CR1L: variants seen among roughly 807,000 people sequenced by gnomAD.
The protein encoded by CR1L is complement component receptor 1-like protein.
Under a neutral mutation model 62.3 loss-of-function variants are expected in CR1L, and 59 were observed. That is an observed-to-expected ratio of 0.95 (90% CI 0.77 to 1.18). The LOEUF is 1.18. Ranked by LOEUF, CR1L falls within the 50% of genes most tolerant of loss-of-function variation. The pLI, the probability that CR1L is intolerant of heterozygous loss-of-function variation, is 0.00. For missense variants in CR1L, 700 were observed against 702.8 expected (o/e 1.00, Z 0.04); for synonymous variants, 279 against 248.7 (o/e 1.12, Z -1.15).
intron 4 of CR1L, among the ~76,000 whole-genome samples, chr1:207,691,904 A>G (rs1469770605): frequency 6.6e-6 from 1 of 152,246 alleles, no homozygotes; most frequent in Non-Finnish European, 1.5e-5. Context: ...GCAGCCTTCC[A>G]AGCCAAAGTA....
rs769820299 is a variant in CR1L, at chr1:207,694,488, T to C, written c.599T>C (p.Val200Ala). The change falls in exon 5 of 12, where the codon GTG becomes GCG. Residue 200 changes from valine (V) to alanine (A), a missense_variant. By Grantham distance (64) the Val-to-Ala change is moderately conservative. Coordinates refer to ENST00000508064, the MANE Select transcript of CR1L (RefSeq NM_175710.2). Reference sequence around the variant, plus strand: ...AGAGGGAAAAAGGTGTTTGAGCTTGTGGGTGAGCCCTCCATATACTGCACC... The same window carrying C: ...AGAGGGAAAAAGGTGTTTGAGCTTGCGGGTGAGCCCTCCATATACTGCACC... ...GSRGKKVFEL[V>A]GEPSIYCTSK... 1 of 1,613,934 alleles carries C rather than the reference T, an allele frequency of 6.2e-7. No homozygotes were observed.
At chr1:207,657,645 T>G (rs1051372721) in intron 1 of CR1L, among the ~76,000 whole-genome samples, 1 of 152,166 alleles carries the variant, frequency 6.6e-6, no homozygotes, top group African/African-American at 2.4e-5. Context: ...GGTTCTTGTA[T>G]TACAAGAAAT....
At chr1:207,661,282 T>C (rs1284801957) in intron 1 of CR1L, among the ~76,000 whole-genome samples, 1 of 152,186 alleles carries the variant, frequency 6.6e-6, no homozygotes, top group Non-Finnish European at 1.5e-5. Context: ...GGAGTCTAAG[T>C]CTCTTTGTAG....
intron 10 of CR1L, among the ~76,000 whole-genome samples, chr1:207,713,274 A>T (rs1002762435): frequency 2.0e-5 from 3 of 152,250 alleles, no homozygotes; most frequent in Non-Finnish European, 4.4e-5. Flanking sequence ...AAGATGAATG[A>T]GATGGAAATT....
chr1:207,652,508 C>T, intron 1 of CR1L: 1 of 1,104,214 alleles, frequency 9.1e-7, no homozygotes, highest in Non-Finnish European at 1.4e-6. Context: ...AAAGTGATAT[C>T]AGTACTTCAT....
At chr1:207,671,436 G>A (rs1202357335) in intron 1 of CR1L, among the ~76,000 whole-genome samples, 1 of 150,766 alleles carries the variant, frequency 6.6e-6, no homozygotes, top group Non-Finnish European at 1.5e-5. Flanking sequence ...AAATAACAGA[G>A]GAACTAGGAT....
In CR1L at chr1:207,694,453, T is replaced by C. The variant is rs1664040260; in HGVS notation, c.564T>C (p.Asn188=). The C allele has an allele frequency of 6.2e-7, 1 of 1,613,860 alleles. No individual in the cohort carries two copies. Among genetic ancestry groups the C allele is most frequent in the African/African-American group, 1.3e-5 (1 of 74,920 alleles). ...GATCAGTGGTGACCTACCACTGCAATCTTGGAAGCAGAGGGAAAAAGGTGT... is the reference window on the plus strand; with the variant it reads ...GATCAGTGGTGACCTACCACTGCAACCTTGGAAGCAGAGGGAAAAAGGTGT... ...HYGSVVTYHC[N]LGSRGKKVFE... is the part of the protein sequence containing the mutation. The change falls in exon 5 of 12, where the codon AAT becomes AAC. Residue 188 remains asparagine (N), a synonymous_variant. Transcript: ENST00000508064.
chr1:207,719,276 T>A lies in CR1L; in HGVS notation c.1642+1585T>A, dbSNP rs201644002. Among the ~76,000 whole-genome samples, 16 of 138,992 alleles carry A rather than the reference T, an allele frequency of 1.2e-4. No homozygotes were observed. In the East Asian group the frequency reaches 1.3e-3, roughly 11 times the overall value. The allele number at this position is 138,992 out of a possible 152,430, so 91.2% of individuals were successfully genotyped here. A position where few individuals can be genotyped will look rare whatever the true frequency, so the allele number is the denominator to read the frequency against. ...AGTATAATTTAAAAAAAAAAAACAT[T>A]AAAAAAAAAAAGAAAAATAAATAAC... is the stretch of plus-strand genomic sequence containing the variant. On this transcript the variant is annotated intron_variant, in intron 11 of 11. Transcript: ENST00000508064.
At chr1:207,699,054 A>G in intron 7 of CR1L, 135 bp from the exon 8 acceptor site, 5 of 1,079,288 alleles carry the variant, frequency 4.6e-6, no homozygotes, top group Non-Finnish European at 7.0e-6. Context: ...TTCCAGAATA[A>G]CGTAGCCTGT....
chr1:207,695,609 T>G (rs1186763427), intron 5 of CR1L, among the ~76,000 whole-genome samples: 1 of 152,206 alleles, frequency 6.6e-6, no homozygotes, highest in Admixed American at 6.5e-5. Context: ...AGGGATTTCA[T>G]GCAGGCTGTA....
chr1:207,718,209 C>G (rs962682912), intron 11 of CR1L, among the ~76,000 whole-genome samples: 1 of 152,176 alleles, frequency 6.6e-6, no homozygotes, highest in African/African-American at 2.4e-5. Flanking sequence ...GTTGGTCCTT[C>G]ACCTCACCAT....
At chr1:207,715,565 T>C (rs1430272470) in intron 10 of CR1L, among the ~76,000 whole-genome samples, 1 of 152,262 alleles carries the variant, frequency 6.6e-6, no homozygotes, top group South Asian at 2.1e-4. Flanking sequence ...TTCTGACATT[T>C]GTTACTAATC....
Position 207,669,602 on chromosome 1 carries a change from GACGAGGCA to G in CR1L, c.98-7786_98-7779del, listed in dbSNP as rs2102452308. 3 of 1,265,906 alleles carry G rather than the reference GACGAGGCA, an allele frequency of 2.4e-6. No individual in the cohort carries two copies. The East Asian group carries it at 7.5e-5, about 32-fold the overall frequency. 78.4% of individuals were successfully genotyped at this position (1,265,906 alleles called of 1,614,324 possible). A position where few individuals can be genotyped will look rare whatever the true frequency, so the allele number is the denominator to read the frequency against. The stretch of plus-strand genomic sequence containing the variant: ...GGGGGCGTGGGGAGGCGCCCGGGCT[GACGAGGCA>G]CCCAGGGCCCCGCAGAGAACTCGCG... On this transcript the variant is annotated intron_variant, in intron 1 of 11. Coordinates refer to ENST00000508064, the MANE Select transcript of CR1L (RefSeq NM_175710.2).
intron 3 of CR1L, among the ~76,000 whole-genome samples, chr1:207,683,605 A>G (rs1286631213): frequency 6.6e-6 from 1 of 152,244 alleles, no homozygotes; most frequent in African/African-American, 2.4e-5. Flanking sequence ...AATGAAATTT[A>G]TAGGAAAAAC....
At chr1:207,711,110 G>C (rs1433971712) in intron 10 of CR1L, among the ~76,000 whole-genome samples, 1 of 152,148 alleles carries the variant, frequency 6.6e-6, no homozygotes, top group Admixed American at 6.5e-5. Context: ...TGTGCCCTAA[G>C]CACTTTGTAT....
intron 1 of CR1L, among the ~76,000 whole-genome samples, chr1:207,646,969 G>A (rs978973859): frequency 1.3e-5 from 2 of 152,014 alleles, no homozygotes; most frequent in Admixed American, 1.3e-4. Context: ...TGTTACACTA[G>A]TAGGTAATAA....
Position 207,717,699 on chromosome 1 carries a change from TC to T in CR1L, c.1642+10del. 1 of 1,613,942 alleles carries T rather than the reference TC, an allele frequency of 6.2e-7. No homozygotes were observed. The highest frequency in any genetic ancestry group is 1.1e-5 in the South Asian group (1 of 91,080). The stretch of plus-strand genomic sequence containing the variant: ...AACTTCCTGTTGGTGCTGGTCAGTA[TC>T]CGCTTCCACATATCCTAAATGGGTT... On this transcript the variant is annotated intron_variant, in intron 11 of 11. Coordinates refer to ENST00000508064, the MANE Select transcript of CR1L (RefSeq NM_175710.2).
chr1:207,658,427 T>A (rs1226880997), intron 1 of CR1L: 1 of 151,984 alleles, frequency 6.6e-6, no homozygotes, highest in Non-Finnish European at 1.5e-5. Context: ...ATACTGAGAA[T>A]GAAAGAAGTG....
intron 1 of CR1L, among the ~76,000 whole-genome samples, chr1:207,667,812 C>T (rs951273005): frequency 8.6e-5 from 13 of 151,322 alleles, no homozygotes; most frequent in Non-Finnish European, 1.6e-4. Flanking sequence ...GGAACTCAAA[C>T]AACTCAGCAA....
Sources: gnomAD v4.1 joint callset for allele counts (sites outside exome capture counted in the v4.1 genomes callset) on GRCh38, gnomAD v4.1.1 for gene constraint, MANE v1.5 for transcripts, NCBI Gene and HGNC (gene_info 2026-07-23, HGNC 2026-07-21) for gene names.